The following GALK2 variants were observed in gnomAD, a reference collection of about 807,000 sequenced individuals.
GALK2 encodes galactokinase 2.
Under a neutral mutation model 52.4 loss-of-function variants are expected in GALK2, and 36 were observed. The observed-to-expected ratio is 0.69, with a 90% CI of 0.53 to 0.91. GALK2 has a LOEUF of 0.91. Ranked by LOEUF, GALK2 falls within the 40% of genes least tolerant of loss-of-function variation. The probability of loss-of-function intolerance (pLI) is 0.00; values close to 1 mark genes in which losing one functional copy is unlikely to be tolerated. For missense variants in GALK2, 579 were observed against 559.1 expected, an observed-to-expected ratio of 1.04 and a Z score of -0.36; for synonymous variants, 176 against 199.1, an observed-to-expected ratio of 0.88 and a Z score of 0.98.
chr15:49,235,999 G>C, intron 4 of GALK2, 58 bp downstream of exon 4: 1 of 1,001,116 alleles, frequency 1.0e-6, no homozygotes, highest in South Asian at 1.3e-5. Context: ...TATTCTGTCA[G>C]ATTTATTTTA....
At chr15:49,292,579 C>G (rs995177878) in intron 8 of GALK2, 42 bp downstream of exon 8, 9 of 1,504,014 alleles carry the variant, frequency 6.0e-6, no homozygotes, top group African/African-American at 1.4e-5. Flanking sequence ...TATTCCCTCA[C>G]TTACAGCTGG....
At chr15:49,361,476 C>T (rs1348695131) in intron 3 of GALK2, among the ~76,000 whole-genome samples, 1 of 152,136 alleles carries the variant, frequency 6.6e-6, no homozygotes, top group Non-Finnish European at 1.5e-5. Flanking sequence ...TTAGCTCCTA[C>T]TTATTAGTGA....
intron 8 of GALK2, among the ~76,000 whole-genome samples, chr15:49,313,719 A>G (rs2036179803): frequency 2.0e-5 from 3 of 152,350 alleles, no homozygotes; most frequent in South Asian, 4.1e-4. Flanking sequence ...CAGGTGCTCA[A>G]TAAGAACTGT....
intron 5 of GALK2, among the ~76,000 whole-genome samples, chr15:49,245,217 A>G (rs1473963103): frequency 6.6e-6 from 1 of 152,182 alleles, no homozygotes; most frequent in Non-Finnish European, 1.5e-5. Context: ...AATAATGTTT[A>G]AAATGAAACA....
rs1027244910 is a variant in GALK2, at chr15:49,223,439, T to C, written c.266+6126T>C. Among the ~76,000 whole-genome samples, 5 of 152,202 alleles carry C rather than the reference T, an allele frequency of 3.3e-5. No individual in the cohort carries two copies. The East Asian group carries it at 9.6e-4, about 29-fold the overall frequency. On this transcript the variant is annotated intron_variant, in intron 3 of 9. Coordinates refer to ENST00000560031, the MANE Select transcript of GALK2 (RefSeq NM_002044.4). The stretch of plus-strand genomic sequence containing the variant: ...GCAGGTTTGTTACTTGGATACATTT[T>C]GTAATGGTGATGTTTGGGGTACAGA...
rs1327500798 is a variant in GALK2 at position 49,254,656 on chromosome 15, TAAAG to T, written c.504+15290_504+15293del. On this transcript the variant is annotated intron_variant, in intron 5 of 9. Coordinates refer to ENST00000560031, the MANE Select transcript of GALK2 (RefSeq NM_002044.4). ...ATTTGGATAAAAGAAAATTTGGTGA[TAAAG>T]GAAGAAATTTATTGGAAAAATTTAA... is the stretch of plus-strand genomic sequence containing the variant. 4.8e-5 allele frequency among the ~76,000 whole-genome samples: 7 copies of T among 144,348 alleles called. 1 individual carries two copies. The highest frequency in any genetic ancestry group is 7.4e-5 in the African/African-American group (3 of 40,342). 94.7% of individuals were successfully genotyped at this position (144,348 alleles called of 152,430 possible).
chr15:49,344,414 C>A (rs548959612), intron 3 of GALK2, among the ~76,000 whole-genome samples: 1 of 152,082 alleles, frequency 6.6e-6, no homozygotes, highest in Non-Finnish European at 1.5e-5. Flanking sequence ...AATGTACATA[C>A]CTAAGGTGCT....
rs1198122748 is a variant in GALK2, at chr15:49,238,831, CA to C, written c.358-389del. On this transcript the variant is annotated intron_variant, in intron 4 of 9. Coordinates refer to ENST00000560031, the MANE Select transcript of GALK2 (RefSeq NM_002044.4). ...CTGCATGGAGATTTAAATTACCTCA[CA>C]GATAATTGTATATTTCTTGTCCTGC... Among the ~76,000 whole-genome samples, 7 of 152,274 alleles carry C rather than the reference CA, an allele frequency of 4.6e-5. No individual in the cohort carries two copies. The South Asian group carries it at 1.0e-3, about 23-fold the overall frequency.
chr15:49,162,522 C>T (rs1386369246), intron 1 of GALK2, among the ~76,000 whole-genome samples: 1 of 152,200 alleles, frequency 6.6e-6, no homozygotes, highest in Non-Finnish European at 1.5e-5. Context: ...ACTCTGGTGG[C>T]TACCCATTAT....
At chr15:49,231,358 G>A (rs555162309) in intron 3 of GALK2, among the ~76,000 whole-genome samples, 1 of 152,270 alleles carries the variant, frequency 6.6e-6, no homozygotes, top group South Asian at 2.1e-4. Context: ...CCACCTCTGT[G>A]ATCCAATCAC....
At chr15:49,265,016 G>T (rs910739320) in intron 5 of GALK2, among the ~76,000 whole-genome samples, 17 of 152,170 alleles carry the variant, frequency 1.1e-4, no homozygotes, top group African/African-American at 3.9e-4. Flanking sequence ...GCTGCTTGGG[G>T]GTCAGGGGTC....
At chr15:49,222,370 A>T (rs960277109) in intron 3 of GALK2, among the ~76,000 whole-genome samples, 2 of 152,054 alleles carry the variant, frequency 1.3e-5, no homozygotes, top group African/African-American at 4.8e-5. Context: ...CTCCATTTCA[A>T]CTTGGATCCT....
At position 49,329,369 on chromosome 15, in the gene GALK2, T is replaced by G; in HGVS notation, c.*1210T>G. ...ACCAAAAAGTATTTTGCTGAAATAC[T>G]CAGGTAATTGAGATAGCAATGGTTT... On this transcript the variant is annotated 3_prime_UTR_variant, in exon 10 of 10. Transcript: ENST00000560031. 2.1e-5 allele frequency: 21 copies of G among 985,320 alleles called. No individual in the cohort carries two copies. Among genetic ancestry groups the G allele is most frequent in the Non-Finnish European group, 2.5e-5 (21 of 829,844 alleles). The allele number at this position is 985,320 out of a possible 1,614,324, so 61.0% of individuals were successfully genotyped here.
chr15:49,273,190 ATGAGTGCTTAATGCAAACTC>A (rs962986833), intron 5 of GALK2, among the ~76,000 whole-genome samples: 5 of 152,350 alleles, frequency 3.3e-5, no homozygotes, highest in South Asian at 4.1e-4. Context: ...TGAAAAAAGC[ATGAGTGCTTAATGCAAACTC>A]TGAGTGCTTA....
At chr15:49,315,819 G>A (rs1422162957) in intron 8 of GALK2, among the ~76,000 whole-genome samples, 1 of 152,188 alleles carries the variant, frequency 6.6e-6, no homozygotes, top group Non-Finnish European at 1.5e-5. Context: ...CCAGGATTGT[G>A]AGGTTCTGGT....
At chr15:49,361,699 A>G (rs2044268788) in intron 3 of GALK2, among the ~76,000 whole-genome samples, 1 of 152,134 alleles carries the variant, frequency 6.6e-6, no homozygotes, top group African/African-American at 2.4e-5. Flanking sequence ...TAGTGTTGCA[A>G]TGAGCATACG....
intron 2 of GALK2, among the ~76,000 whole-genome samples, chr15:49,203,251 A>G (rs1253683269): frequency 1.3e-5 from 2 of 152,036 alleles, no homozygotes; most frequent in Non-Finnish European, 2.9e-5. Context: ...GGGTTTCACC[A>G]TGTTGGCCAG....
intron 3 of GALK2, among the ~76,000 whole-genome samples, chr15:49,360,033 C>G (rs9744816): frequency 0.18 from 24,377 of 137,024 alleles, 2,317 homozygotes; most frequent in Middle Eastern, 0.22. Context: ...GGTGGGAATT[C>G]AACAATGAGA....
intron 8 of GALK2, among the ~76,000 whole-genome samples, chr15:49,297,987 A>C (rs1011745220): frequency 2.0e-5 from 3 of 152,102 alleles, no homozygotes; most frequent in Non-Finnish European, 4.4e-5. Context: ...AAAAGCATTG[A>C]ATCTGTAAAT....
Sources: allele counts gnomAD v4.1 joint callset (sites outside exome capture counted in the v4.1 genomes callset), GRCh38; gene constraint gnomAD v4.1.1; transcripts MANE v1.5; gene names NCBI Gene and HGNC (gene_info 2026-07-23, HGNC 2026-07-21).